Variants in NEB observed in about 807,000 individuals in gnomAD.
The protein encoded by NEB is nebulin.
NEB carries 512 observed loss-of-function variants against 952.2 expected under a neutral mutation model. The observed-to-expected ratio is 0.54, with a 90% confidence interval of 0.50 to 0.58. NEB has a LOEUF of 0.58. Ranked by LOEUF, NEB falls within the 20% of genes least tolerant of loss-of-function variation. The pLI is 0.00. For missense variants in NEB, 8,428 were observed against 9,231.1 expected (o/e 0.91, Z 3.56); for synonymous variants, 2,900 against 3,149.8 (o/e 0.92, Z 2.66).
intron 107 of NEB, among the ~76,000 whole-genome samples, 169 bp from the exon 108 acceptor site, chr2:151,570,770 T>C (rs972405881): frequency 3.3e-5 from 5 of 152,206 alleles, no homozygotes; most frequent in African/African-American, 1.2e-4. Context: ...TCCTGGAACA[T>C]GTAATGGTGT....
chr2:151,701,313 G>C (rs1183429321), intron 13 of NEB, among the ~76,000 whole-genome samples: 1 of 151,852 alleles, frequency 6.6e-6, no homozygotes, highest in Admixed American at 6.6e-5. Flanking sequence ...CAAGGATATT[G>C]GTCTAAAATT....
chr2:151,710,337 T>C (rs2099741149), intron 11 of NEB, 97 bp downstream of exon 11: 1 of 716,346 alleles, frequency 1.4e-6, no homozygotes, highest in East Asian at 2.7e-5. Context: ...GCCTCAAGTG[T>C]TCTGGCACCC....
chr2:151,578,411 G>A (rs2096959402), intron 105 of NEB, among the ~76,000 whole-genome samples: 1 of 151,560 alleles, frequency 6.6e-6, no homozygotes, highest in African/African-American at 2.4e-5. Flanking sequence ...AACTGCCCCA[G>A]CACTTTGGGA....
intron 140 of NEB, among the ~76,000 whole-genome samples, chr2:151,537,564 A>G (rs2093390695): frequency 6.6e-6 from 1 of 152,176 alleles, no homozygotes; most frequent in Admixed American, 6.5e-5. Context: ...ATGTGTCTTA[A>G]TTGCTTCATG....
intron 38 of NEB, 64 bp downstream of exon 38, chr2:151,670,959 G>C: frequency 6.7e-7 from 1 of 1,485,990 alleles, no homozygotes; most frequent in Non-Finnish European, 9.4e-7. Context: ...TAAGAAGGAC[G>C]GAGGAGCGGC....
chr2:151,571,804 CT>C (rs1159160336), intron 107 of NEB, among the ~76,000 whole-genome samples: 1 of 152,122 alleles, frequency 6.6e-6, no homozygotes, highest in Non-Finnish European at 1.5e-5. Context: ...CAAATCATAC[CT>C]ATCAGTAGGG....
At chr2:151,503,906 C>G (rs1037085944) in intron 165 of NEB, among the ~76,000 whole-genome samples, 1 of 152,096 alleles carries the variant, frequency 6.6e-6, no homozygotes, top group African/African-American at 2.4e-5. Flanking sequence ...TCGCTGGCTC[C>G]TAATCTGTAG....
chr2:151,507,024 A>T lies in NEB; in HGVS notation c.23452-11T>A, dbSNP rs758493139. ...ACACTGGTATTGGAGCTATGAAGAA[A>T]GAGTAAACATCTTGTTAAGATTTCA... On this transcript the variant is annotated splice_polypyrimidine_tract_variant and intron_variant, in intron 162 of 181. Transcript: ENST00000397345. 21 of 1,457,904 alleles carry T rather than the reference A, an allele frequency of 1.4e-5. No individual in the cohort carries two copies. The South Asian group carries it at 2.4e-4, about 17-fold the overall frequency. 90.3% of individuals were successfully genotyped at this position (1,457,904 alleles called of 1,614,324 possible). A position where few individuals can be genotyped will look rare whatever the true frequency, so the allele number is the denominator to read the frequency against.
Position 151,514,317 on chromosome 2 carries a change from C to A in NEB, c.23127+1G>T. The A allele has an allele frequency of 1.9e-6, 3 of 1,602,578 alleles. No homozygotes were observed. Among genetic ancestry groups the A allele is most frequent in the Non-Finnish European group, 2.6e-6 (3 of 1,169,556 alleles). Reference sequence around the variant, plus strand: ...GTGCAGGCAGTCAGCTGTGGGCCTACCTCATTGAGGATTTGAGTGGCATTC... The same window carrying A: ...GTGCAGGCAGTCAGCTGTGGGCCTAACTCATTGAGGATTTGAGTGGCATTC... On this transcript the variant is annotated splice_donor_variant, in intron 159 of 181. Transcript: ENST00000397345. LOFTEE classifies it high-confidence loss of function.
At chr2:151,699,813 T>C (rs1213307082) in intron 13 of NEB, among the ~76,000 whole-genome samples, 1 of 150,370 alleles carries the variant, frequency 6.7e-6, no homozygotes, top group African/African-American at 2.4e-5. Context: ...TTTTGTAGGT[T>C]GCCTGTTCAC....
In NEB at chr2:151,497,647, G is replaced by T. The variant is rs755600124; in HGVS notation, c.24279C>A (p.His8093Gln). ...GTACCGAGCTAATATTTTCTTGATT[G>T]TGTTTGACTCTTTCCATCTCGGGAG... ...PVTPEMERVK[H>Q]NQENISSVLY... Residue 8093 changes from histidine to glutamine, a missense_variant, in exon 171 of 182, where the codon CAC becomes CAA. By Grantham distance (24) the His-to-Gln change is conservative. This residue lies in a region of NEB where 3,374 missense variants were observed against 3,651.5 expected (regional missense o/e 0.92). Coordinates refer to ENST00000397345, the MANE Select transcript of NEB (RefSeq NM_001164508.2). The T allele has an allele frequency of 3.6e-5, 57 of 1,579,802 alleles. No homozygotes were observed. The highest frequency in any genetic ancestry group is 4.9e-5 in the Non-Finnish European group (57 of 1,160,448).
intron 154 of NEB, 59 bp from the exon 155 acceptor site, chr2:151,519,128 G>A: frequency 9.2e-7 from 1 of 1,088,696 alleles, no homozygotes; most frequent in Non-Finnish European, 1.4e-6. Flanking sequence ...CAGCACTAAT[G>A]GAAATCAAAG....
chr2:151,492,225 T>G lies in NEB; in HGVS notation c.24930A>C (p.Thr8310=). The change falls in exon 178 of 182, where the codon ACA becomes ACC. Residue 8310 remains threonine, a synonymous_variant. Coordinates refer to ENST00000397345, the MANE Select transcript of NEB (RefSeq NM_001164508.2). ...TCTTTACTCGTTCAGTGATAGGATC[T>G]GTCACCACTGGTGTGAAGCAACCCT... ...KHKGCFTPVV[T]DPITERVKKN... 2 of 1,614,000 alleles carry G rather than the reference T, an allele frequency of 1.2e-6. No homozygotes were observed. The highest frequency in any genetic ancestry group is 1.7e-6 in the Non-Finnish European group (2 of 1,179,858).
At chr2:151,498,902 A>AAG (rs1460845238) in intron 169 of NEB, among the ~76,000 whole-genome samples, 2 of 152,156 alleles carry the variant, frequency 1.3e-5, no homozygotes, top group Non-Finnish European at 2.9e-5. Flanking sequence ...AAAAAAAAGA[A>AAG]ACTTCAAAAT....
At chr2:151,577,575 C>T (rs955522190) in intron 105 of NEB, among the ~76,000 whole-genome samples, 1 of 152,146 alleles carries the variant, frequency 6.6e-6, no homozygotes, top group African/African-American at 2.4e-5. Context: ...AAGTCAGGAG[C>T]TGTCATGTTT....
At position 151,694,485 on chromosome 2, in the gene NEB, C is replaced by T. The variant is rs767951608; in HGVS notation, c.1782+37G>A. 8.7e-5 allele frequency: 141 copies of T among 1,613,382 alleles called. 1 individual carries two copies. The South Asian group carries it at 1.3e-3, about 15-fold the overall frequency. The stretch of plus-strand genomic sequence containing the variant: ...GATTCCACTCAAGAGGAAATGTCCC[C>T]GAAGCCAGCCTGTCCAGGTCCCCAG... On this transcript the variant is annotated intron_variant, in intron 19 of 181. Transcript: ENST00000397345.
rs1293992790 is a variant in NEB, at chr2:151,583,775, G to A, written c.15664-9C>T. 4 of 326,338 alleles carry A rather than the reference G, an allele frequency of 1.2e-5. No homozygotes were observed. The highest frequency in any genetic ancestry group is 2.8e-5 in the South Asian group (1 of 36,304). The allele number at this position is 326,338 out of a possible 1,614,324, so 20.2% of individuals were successfully genotyped here. On this transcript the variant is annotated splice_polypyrimidine_tract_variant and intron_variant, in intron 100 of 181. Coordinates refer to ENST00000397345, the MANE Select transcript of NEB (RefSeq NM_001164508.2). Reference sequence around the variant, plus strand: ...CCTTCTTTGTATTTGTACTAAAGTAGTAAGAAATCATATTAAAAAGACATA... The same window carrying A: ...CCTTCTTTGTATTTGTACTAAAGTAATAAGAAATCATATTAAAAAGACATA...
chr2:151,560,764 G>T, intron 123 of NEB, 65 bp from the exon 124 acceptor site: 2 of 1,274,838 alleles, frequency 1.6e-6, no homozygotes, highest in Non-Finnish European at 2.2e-6. Flanking sequence ...CTGAGTAGCA[G>T]GTTTTCCTTC....
chr2:151,609,107 G>A (rs1368924862), intron 81 of NEB, among the ~76,000 whole-genome samples: 3 of 150,724 alleles, frequency 2.0e-5, no homozygotes, highest in African/African-American at 7.3e-5. Context: ...AGTCGTGAGT[G>A]CTAACATTTA....
Sources: gnomAD v4.1 joint callset for allele counts (sites outside exome capture counted in the v4.1 genomes callset) on GRCh38, gnomAD v4.1.1 for gene constraint, gnomAD v4.1.1 regional missense constraint, MANE v1.5 for transcripts, NCBI Gene and HGNC (gene_info 2026-07-23, HGNC 2026-07-21) for gene names.